Variants in SLC9B1 observed in about 807,000 individuals in gnomAD.
SLC9B1 encodes sodium/hydrogen exchanger 9B1.
In SLC9B1, 32 loss-of-function variants were observed where a neutral mutation model predicts 51.7. The observed-to-expected ratio is 0.62, with a 90% confidence interval of 0.47 to 0.83. The LOEUF (loss-of-function observed/expected upper bound fraction) is 0.83, where lower values mean the gene tolerates loss of function less well. SLC9B1 is among the 40% of genes least tolerant of loss of function. The pLI, the probability that SLC9B1 is intolerant of heterozygous loss-of-function variation, is 0.00. For missense variants in SLC9B1, 406 were observed against 613.2 expected (o/e 0.66, Z 3.57); for synonymous variants, 145 against 212.7 (o/e 0.68, Z 2.77).
chr4:102,935,828 C>T (rs1456894937), intron 6 of SLC9B1, among the ~76,000 whole-genome samples: 2 of 152,194 alleles, frequency 1.3e-5, no homozygotes, highest in African/African-American at 2.4e-5. Context: ...TCCCCAGTGG[C>T]ACATGAGTGC....
chr4:102,930,618 A>T (rs1271731700), intron 7 of SLC9B1, among the ~76,000 whole-genome samples: 2 of 152,032 alleles, frequency 1.3e-5, no homozygotes, highest in Non-Finnish European at 2.9e-5. Context: ...TTGGTTGGCC[A>T]GGCTGGTCTT....
chr4:102,939,464 C>G (rs1369599222), intron 6 of SLC9B1, among the ~76,000 whole-genome samples: 1 of 140,218 alleles, frequency 7.1e-6, no homozygotes, highest in Non-Finnish European at 1.5e-5. Context: ...CAGACAAATT[C>G]TACCAGAAGT....
intron 7 of SLC9B1, among the ~76,000 whole-genome samples, chr4:102,925,305 C>T (rs1325777271): frequency 4.6e-5 from 7 of 152,024 alleles, no homozygotes; most frequent in African/African-American, 1.7e-4. Context: ...ATCACAAGGA[C>T]AGAAAACCAA....
intron 3 of SLC9B1, among the ~76,000 whole-genome samples, chr4:102,978,756 C>T (rs948963067): frequency 5.9e-5 from 9 of 152,110 alleles, no homozygotes; most frequent in African/African-American, 9.7e-5. Context: ...GTCAGTGTGG[C>T]GATTCCTCAG....
intron 3 of SLC9B1, among the ~76,000 whole-genome samples, chr4:102,988,029 T>C (rs534053846): frequency 2.0e-5 from 3 of 152,312 alleles, no homozygotes; most frequent in South Asian, 2.1e-4. Context: ...ATATTATTTT[T>C]GAACCTTAAA....
intron 1 of SLC9B1, among the ~76,000 whole-genome samples, chr4:103,001,920 G>A (rs1397872304): frequency 6.6e-6 from 1 of 152,204 alleles, no homozygotes; most frequent in Non-Finnish European, 1.5e-5. Flanking sequence ...TGGCTTAGGA[G>A]GCCACAGAAA....
rs183211703 is a variant in SLC9B1 at position 102,977,814 on chromosome 4, T to G, written c.211+11986A>C. ...ACAAATTTTTAAAAACATATTCTTT[T>G]TTTATTATTATACTTTAAGTTTTAG... On this transcript the variant is annotated intron_variant, in intron 3 of 11. Transcript: ENST00000296422. Among the ~76,000 whole-genome samples the G allele has an allele frequency of 2.3e-3, 346 of 152,334 alleles. 1 individual carries two copies. The highest frequency in any genetic ancestry group is 7.8e-3 in the African/African-American group (324 of 41,570).
At chr4:102,893,843 C>T (rs1444187357) in intron 11 of SLC9B1, among the ~76,000 whole-genome samples, 10 of 151,924 alleles carry the variant, frequency 6.6e-5, no homozygotes, top group African/African-American at 1.7e-4. Context: ...TGCAGTGAGC[C>T]GAGATCACGC....
At chr4:102,958,918 G>A (rs575984815) in intron 3 of SLC9B1, among the ~76,000 whole-genome samples, 20 of 150,956 alleles carry the variant, frequency 1.3e-4, no homozygotes, top group South Asian at 6.3e-4. Flanking sequence ...ACGAGACTCC[G>A]TCTCAAGAAA....
At chr4:103,012,385 A>G (rs182423636) in intron 1 of SLC9B1, among the ~76,000 whole-genome samples, 1 of 152,290 alleles carries the variant, frequency 6.6e-6, no homozygotes, top group Admixed American at 6.5e-5. Flanking sequence ...CCACATTTCT[A>G]CCAGCCTTCT....
rs190040306 is a variant in SLC9B1, at chr4:102,963,564, C to T, written c.212-14137G>A. Among the ~76,000 whole-genome samples, 221 of 133,836 alleles carry T rather than the reference C, an allele frequency of 1.7e-3. 2 individuals carry two copies. Among genetic ancestry groups the T allele is most frequent in the African/African-American group, 5.9e-3 (217 of 36,726 alleles). The allele number at this position is 133,836 out of a possible 152,430, so 87.8% of individuals were successfully genotyped here. The stretch of plus-strand genomic sequence containing the variant: ...TCTCACTCCCTTTCTTCATGCTTCC[C>T]CAGTTTCCCTCCTCCTTTTCACTTG... On this transcript the variant is annotated intron_variant, in intron 3 of 11. Transcript: ENST00000296422.
chr4:102,990,011 C>G (rs151243467), intron 2 of SLC9B1, 70 bp from the exon 3 acceptor site: 14,675 of 1,220,526 alleles, frequency 0.012, 137 homozygotes, highest in Non-Finnish European at 0.013. Flanking sequence ...AATAAACCAC[C>G]AAATTTTAGA....
chr4:102,925,653 A>G (rs933216608), intron 7 of SLC9B1, among the ~76,000 whole-genome samples: 1 of 151,634 alleles, frequency 6.6e-6, no homozygotes, highest in African/African-American at 2.4e-5. Flanking sequence ...TGGAAAAAAT[A>G]TCAACATTGA....
chr4:102,942,271 A>T (rs1737043408), intron 6 of SLC9B1, among the ~76,000 whole-genome samples: 1 of 152,064 alleles, frequency 6.6e-6, no homozygotes, highest in South Asian at 2.1e-4. Flanking sequence ...TGTGAAAATG[A>T]CCATACTGCC....
chr4:102,887,562 T>G (rs1733994477), intron 11 of SLC9B1: 3 of 564,840 alleles, frequency 5.3e-6, no homozygotes, highest in Non-Finnish European at 9.5e-6. Flanking sequence ...TATTTGATCC[T>G]TTGTCTATTC....
downstream of SLC9B1, among the ~76,000 whole-genome samples, chr4:102,899,366 C>A (rs1284416435): frequency 6.7e-6 from 1 of 149,486 alleles, no homozygotes; most frequent in Non-Finnish European, 1.5e-5. Flanking sequence ...GAAATCTAAT[C>A]CTCTTGTGAA....
chr4:102,951,020 GAAAAC>G lies in SLC9B1; in HGVS notation c.212-1598_212-1594del, dbSNP rs200384028. Among the ~76,000 whole-genome samples the G allele has an allele frequency of 4.2e-4, 63 of 151,512 alleles. 1 individual carries two copies. In the East Asian group the frequency reaches 0.011, roughly 26 times the overall value. ...CAAGAAAACAAAACAAAACAAAACA[GAAAAC>G]AAAACAAAACAAAACACGGACAAGA... is the stretch of plus-strand genomic sequence containing the variant. On this transcript the variant is annotated intron_variant, in intron 3 of 11. Coordinates refer to ENST00000296422, the MANE Select transcript of SLC9B1 (RefSeq NM_139173.4).
intron 7 of SLC9B1, among the ~76,000 whole-genome samples, chr4:102,929,887 T>G (rs1357211835): frequency 6.6e-6 from 1 of 152,226 alleles, no homozygotes; most frequent in Non-Finnish European, 1.5e-5. Flanking sequence ...ATACCAATCA[T>G]GAAGGAAAAG....
intron 6 of SLC9B1, among the ~76,000 whole-genome samples, chr4:102,942,066 AAAAC>A (rs888708665): frequency 4.1e-4 from 63 of 152,206 alleles, no homozygotes; most frequent in African/African-American, 8.4e-4. Context: ...AACAGCTGCA[AAAAC>A]AAACAAACAA....
Sources: allele counts gnomAD v4.1 joint callset (sites outside exome capture counted in the v4.1 genomes callset), GRCh38; gene constraint gnomAD v4.1.1; transcripts MANE v1.5; gene names NCBI Gene and HGNC (gene_info 2026-07-23, HGNC 2026-07-21).